The following SLC4A10 variants were observed in gnomAD, a reference collection of about 807,000 sequenced individuals.
SLC4A10 encodes the protein solute carrier family 4 member 10, also known as sodium-driven chloride bicarbonate exchanger.
Under a neutral mutation model 137.7 loss-of-function variants are expected in SLC4A10, and 42 were observed. That is an observed-to-expected ratio of 0.30 (90% confidence interval 0.24 to 0.39). SLC4A10 has a LOEUF of 0.39. Among genes scored for constraint, SLC4A10 ranks in the 10% least tolerant of loss-of-function variants. SLC4A10 has a pLI of 1.00. For missense variants in SLC4A10, 925 were observed against 1,355.0 expected, an observed-to-expected ratio of 0.68 and a Z score of 4.98; for synonymous variants, 474 against 464.1, an observed-to-expected ratio of 1.02 and a Z score of -0.27.
At chr2:161,880,311 A>G (rs2061688353) in intron 9 of SLC4A10, among the ~76,000 whole-genome samples, 2 of 152,174 alleles carry the variant, frequency 1.3e-5, no homozygotes, top group Non-Finnish European at 2.9e-5. Context: ...ACTGTAGAAT[A>G]TATGTCCTCT....
At chr2:161,942,924 A>T in intron 16 of SLC4A10, 27 bp downstream of exon 16, 1 of 1,531,238 alleles carries the variant, frequency 6.5e-7, no homozygotes, top group South Asian at 1.2e-5. Flanking sequence ...AAAATAAGTC[A>T]TACCTAAGAG....
At chr2:161,919,155 C>T (rs1004839272) in intron 15 of SLC4A10, among the ~76,000 whole-genome samples, 1 of 152,212 alleles carries the variant, frequency 6.6e-6, no homozygotes, top group African/African-American at 2.4e-5. Context: ...CCCCTGCCAT[C>T]TCAGCCCTCT....
At chr2:161,803,166 A>T (rs151107855) in intron 2 of SLC4A10, among the ~76,000 whole-genome samples, 1 of 151,850 alleles carries the variant, frequency 6.6e-6, no homozygotes, top group East Asian at 1.9e-4. Flanking sequence ...TTCCTCATAA[A>T]TTTTTCTGTA....
At chr2:161,822,128 G>A (rs2057677027) in intron 3 of SLC4A10, among the ~76,000 whole-genome samples, 1 of 152,190 alleles carries the variant, frequency 6.6e-6, no homozygotes, top group Non-Finnish European at 1.5e-5. Flanking sequence ...TTAAAGGTGT[G>A]TAGTGAGTAA....
At chr2:161,916,159 TG>T (rs1477006088) in intron 15 of SLC4A10, among the ~76,000 whole-genome samples, 2 of 152,184 alleles carry the variant, frequency 1.3e-5, no homozygotes, top group African/African-American at 2.4e-5. Context: ...GGTATCTTGT[TG>T]TGGCAGGCAT....
rs181288880 is a variant in SLC4A10, at chr2:161,840,310, T to C, written c.416+383T>C. Among the ~76,000 whole-genome samples, 13 of 152,352 alleles carry C rather than the reference T, an allele frequency of 8.5e-5. 1 individual carries two copies. Among genetic ancestry groups the C allele is most frequent in the Admixed American group, 8.5e-4 (13 of 15,300 alleles). On this transcript the variant is annotated intron_variant, in intron 4 of 26. Coordinates refer to ENST00000446997, the MANE Select transcript of SLC4A10 (RefSeq NM_001178015.2). ...TTTTTAAAAGAAAGGGCAAATATTA[T>C]GATAAAATGCTTTATGTACAGTCCT...
At chr2:161,965,655 A>G (rs542841071) in intron 23 of SLC4A10, among the ~76,000 whole-genome samples, 2 of 152,308 alleles carry the variant, frequency 1.3e-5, no homozygotes, top group South Asian at 4.1e-4. Context: ...GTTTAGTAGG[A>G]AAAATGTTGA....
intron 2 of SLC4A10, among the ~76,000 whole-genome samples, chr2:161,803,798 CTG>C (rs1244318519): frequency 1.6e-4 from 24 of 152,078 alleles, no homozygotes; most frequent in African/African-American, 5.8e-4. Context: ...CCTATATATA[CTG>C]TGTTTTTCCT....
intron 23 of SLC4A10, among the ~76,000 whole-genome samples, chr2:161,971,392 C>T (rs575691406): frequency 1.3e-5 from 2 of 152,336 alleles, no homozygotes; most frequent in East Asian, 1.9e-4. Flanking sequence ...AATCAGTGAA[C>T]TCTCTCAAAG....
At chr2:161,820,709 C>G (rs574819561) in intron 3 of SLC4A10, among the ~76,000 whole-genome samples, 1 of 152,268 alleles carries the variant, frequency 6.6e-6, no homozygotes, top group Admixed American at 6.5e-5. Flanking sequence ...TCATTTGGAT[C>G]ATATGCAATT....
At chr2:161,941,134 G>A (rs1035951663) in intron 15 of SLC4A10, among the ~76,000 whole-genome samples, 1 of 152,072 alleles carries the variant, frequency 6.6e-6, no homozygotes, top group Non-Finnish European at 1.5e-5. Flanking sequence ...GTGAAGGAAA[G>A]AAAACAACAA....
At chr2:161,893,027 G>A (rs1044199289) in intron 10 of SLC4A10, among the ~76,000 whole-genome samples, 3 of 152,046 alleles carry the variant, frequency 2.0e-5, no homozygotes, top group Admixed American at 6.6e-5. Flanking sequence ...GCTTATAGAA[G>A]CTCTAGCTGG....
At chr2:161,744,118 A>G (rs2048182220) in intron 1 of SLC4A10, among the ~76,000 whole-genome samples, 2 of 152,062 alleles carry the variant, frequency 1.3e-5, no homozygotes, top group Admixed American at 1.3e-4. Context: ...GATGGACTTT[A>G]TTTCTTTCTC....
intron 23 of SLC4A10, 71 bp from the exon 24 acceptor site, chr2:161,974,178 T>C: frequency 8.0e-7 from 1 of 1,255,744 alleles, no homozygotes; most frequent in South Asian, 1.4e-5. Context: ...AACATTAATC[T>C]GTGTTTCTTC....
At chr2:161,942,688 A>G (rs1692934331) in intron 15 of SLC4A10, 104 bp from the exon 16 acceptor site, 3 of 820,824 alleles carry the variant, frequency 3.7e-6, no homozygotes, top group Non-Finnish European at 6.0e-6. Context: ...TCTGTCAAAT[A>G]GAGGAATGCT....
intron 8 of SLC4A10, among the ~76,000 whole-genome samples, chr2:161,877,962 A>G (rs1380262577): frequency 6.6e-6 from 1 of 152,144 alleles, no homozygotes; most frequent in African/African-American, 2.4e-5. Context: ...AAGATTAATT[A>G]GTTACAAAAC....
chr2:161,783,625 A>G (rs1460217718), intron 2 of SLC4A10, among the ~76,000 whole-genome samples: 1 of 151,976 alleles, frequency 6.6e-6, no homozygotes, highest in Non-Finnish European at 1.5e-5. Context: ...GACAACAATA[A>G]CAAAATGTGT....
At chr2:161,755,657 T>A (rs2049540179) in intron 1 of SLC4A10, among the ~76,000 whole-genome samples, 1 of 152,184 alleles carries the variant, frequency 6.6e-6, no homozygotes, top group South Asian at 2.1e-4. Flanking sequence ...ATTTTACATT[T>A]GTTTTTCTCA....
chr2:161,909,867 AC>A (rs959968458), intron 15 of SLC4A10, among the ~76,000 whole-genome samples: 2 of 152,166 alleles, frequency 1.3e-5, no homozygotes, highest in Non-Finnish European at 2.9e-5. Flanking sequence ...TCCAGATGAC[AC>A]TTTTAGTGGC....
Sources: allele counts gnomAD v4.1 joint callset (sites outside exome capture counted in the v4.1 genomes callset), GRCh38; gene constraint gnomAD v4.1.1; transcripts MANE v1.5; gene names NCBI Gene and HGNC (gene_info 2026-07-23, HGNC 2026-07-21).